Variants in TYW1 observed in about 807,000 individuals in gnomAD.
The protein encoded by TYW1 is S-adenosyl-L-methionine-dependent tRNA 4-demethylwyosine synthase TYW1.
A neutral mutation model predicts 96.2 loss-of-function variants in TYW1; 46 were observed. That is an observed-to-expected ratio of 0.48 (90% CI 0.38 to 0.61). The LOEUF (loss-of-function observed/expected upper bound fraction) is 0.61, where lower values mean the gene tolerates loss of function less well. Among genes scored for constraint, TYW1 ranks in the 20% least tolerant of loss-of-function variants. The probability of loss-of-function intolerance (pLI) is 0.00; values close to 1 mark genes in which losing one functional copy is unlikely to be tolerated. For missense variants in TYW1, 684 were observed against 909.6 expected, an observed-to-expected ratio of 0.75 and a Z score of 3.19; for synonymous variants, 274 against 323.0, an observed-to-expected ratio of 0.85 and a Z score of 1.63.
At chr7:67,130,666 A>T (rs79917324) in intron 13 of TYW1, among the ~76,000 whole-genome samples, 1 of 136,672 alleles carries the variant, frequency 7.3e-6, no homozygotes, top group African/African-American at 2.5e-5. Context: ...TCTTAACTCA[A>T]AAAAAAAAAA....
At chr7:67,228,223 G>T (rs1801626290) in intron 15 of TYW1, among the ~76,000 whole-genome samples, 1 of 152,162 alleles carries the variant, frequency 6.6e-6, no homozygotes, top group Non-Finnish European at 1.5e-5. Context: ...GAAAAAAGAG[G>T]TTTAATGGAC....
chr7:67,096,779 T>C (rs934068359), intron 11 of TYW1, among the ~76,000 whole-genome samples: 3 of 152,182 alleles, frequency 2.0e-5, no homozygotes, highest in Non-Finnish European at 2.9e-5. Flanking sequence ...TTCCCCTCTA[T>C]GTGTTCATGT....
chr7:67,000,249 ATATCTAGATGC>A (rs1793337504), intron 3 of TYW1, among the ~76,000 whole-genome samples: 1 of 151,878 alleles, frequency 6.6e-6, no homozygotes, highest in Non-Finnish European at 1.5e-5. Flanking sequence ...TTCTCTAATT[ATATCTAGATGC>A]TACCTGTTTC....
chr7:67,012,973 A>C (rs1017520135), intron 4 of TYW1, among the ~76,000 whole-genome samples: 5 of 152,024 alleles, frequency 3.3e-5, no homozygotes, highest in Non-Finnish European at 7.4e-5. Flanking sequence ...ACGGATACCT[A>C]GCCTGTATTT....
At chr7:67,142,318 G>T (rs1386942716) in intron 13 of TYW1, among the ~76,000 whole-genome samples, 1 of 152,114 alleles carries the variant, frequency 6.6e-6, no homozygotes, top group Admixed American at 6.6e-5. Context: ...TGCATAGGCT[G>T]GTCTTCAGCT....
intron 15 of TYW1, among the ~76,000 whole-genome samples, chr7:67,219,767 C>T (rs1801319689): frequency 6.7e-6 from 1 of 148,872 alleles, no homozygotes. Context: ...TCTTATTTCT[C>T]TCCTTTTAAA....
At chr7:67,181,192 A>G (rs11760347) in intron 13 of TYW1, among the ~76,000 whole-genome samples, 42,593 of 151,896 alleles carry the variant, frequency 0.28, 6,437 homozygotes, top group African/African-American at 0.4. Context: ...GTATTACTGT[A>G]TAGCCTAATA....
intron 12 of TYW1, among the ~76,000 whole-genome samples, chr7:67,105,685 C>T (rs1033472125): frequency 2.6e-5 from 4 of 152,080 alleles, no homozygotes; most frequent in African/African-American, 7.2e-5. Context: ...AGGTATTGCA[C>T]GGTTGATTTT....
intron 15 of TYW1, among the ~76,000 whole-genome samples, chr7:67,208,842 C>T (rs2116386131): frequency 6.6e-6 from 1 of 152,200 alleles, no homozygotes; most frequent in East Asian, 1.9e-4. Context: ...TGATCTGTAT[C>T]ACCCTATTCA....
intron 13 of TYW1, among the ~76,000 whole-genome samples, chr7:67,155,074 A>T (rs1244839142): frequency 1.3e-5 from 2 of 152,172 alleles, no homozygotes; most frequent in Non-Finnish European, 2.9e-5. Context: ...TCTGTGTTAT[A>T]ATCCACTGAG....
chr7:67,105,623 C>T lies in TYW1; in HGVS notation c.1562+6905C>T, dbSNP rs13223960. On this transcript the variant is annotated intron_variant, in intron 12 of 15. Coordinates refer to ENST00000359626, the MANE Select transcript of TYW1 (RefSeq NM_018264.4). ...GGTTTTCAGTTTCCCACACTCCTCC[C>T]GTCTTGCTGTTTCTTCAGCCCTGAG... 1.3e-3 allele frequency among the ~76,000 whole-genome samples: 200 copies of T among 152,302 alleles called. 2 individuals are homozygous for T. The highest frequency in any genetic ancestry group is 1.9e-3 in the South Asian group (9 of 4,828).
chr7:67,225,790 G>A (rs113661728), intron 15 of TYW1, among the ~76,000 whole-genome samples: 14,321 of 112,582 alleles, frequency 0.13, 1,306 homozygotes, highest in Middle Eastern at 0.22. Flanking sequence ...AACTTTTAGA[G>A]TTGCACTTGG....
chr7:67,047,686 C>G (rs562733078), intron 7 of TYW1, among the ~76,000 whole-genome samples: 123 of 143,922 alleles, frequency 8.5e-4, no homozygotes, highest in Middle Eastern at 3.7e-3. Flanking sequence ...CTCTAAAGTA[C>G]TTTTTTCACT....
intron 7 of TYW1, among the ~76,000 whole-genome samples, chr7:67,031,227 C>A (rs1794665116): frequency 6.9e-6 from 1 of 144,570 alleles, no homozygotes. Context: ...CTGTGTGCGG[C>A]TCAAACAGGA....
intron 15 of TYW1, among the ~76,000 whole-genome samples, chr7:67,208,344 A>G (rs1042500667): frequency 1.3e-5 from 2 of 152,068 alleles, no homozygotes; most frequent in African/African-American, 2.4e-5. Flanking sequence ...AACAAAACAT[A>G]CCATCTGATT....
chr7:67,228,016 A>C (rs537293193), intron 15 of TYW1, among the ~76,000 whole-genome samples: 78 of 152,124 alleles, frequency 5.1e-4, no homozygotes, highest in Non-Finnish European at 1.0e-3. Flanking sequence ...GCACTGGTGA[A>C]TGTGTTTTCT....
intron 13 of TYW1, among the ~76,000 whole-genome samples, chr7:67,157,201 C>T (rs906922062): frequency 3.3e-5 from 5 of 152,058 alleles, no homozygotes; most frequent in African/African-American, 1.2e-4. Flanking sequence ...CCATGCACAC[C>T]CCCTTTCCCA....
chr7:67,037,853 A>G (rs1354446685), intron 7 of TYW1, among the ~76,000 whole-genome samples: 1 of 152,218 alleles, frequency 6.6e-6, no homozygotes, highest in Non-Finnish European at 1.5e-5. Context: ...CTCTAACATT[A>G]TAGTTATTTT....
In TYW1 at chr7:67,151,120, G is replaced by C. The variant is rs1486502650; in HGVS notation, c.1699-32006G>C. On this transcript the variant is annotated intron_variant, in intron 13 of 15. Transcript: ENST00000359626. Reference sequence around the variant, plus strand: ...GACTGGAGTGTAGTGGCGAGATCTTGGCTCACTGCAACCTCCGCCTCCCGG... The same window carrying C: ...GACTGGAGTGTAGTGGCGAGATCTTCGCTCACTGCAACCTCCGCCTCCCGG... 2.7e-5 allele frequency among the ~76,000 whole-genome samples: 4 copies of C among 150,044 alleles called. No homozygotes were observed. In the East Asian group the frequency reaches 7.9e-4, roughly 30 times the overall value.
Sources: allele counts gnomAD v4.1 joint callset (sites outside exome capture counted in the v4.1 genomes callset), GRCh38; gene constraint gnomAD v4.1.1; transcripts MANE v1.5; gene names NCBI Gene and HGNC (gene_info 2026-07-23, HGNC 2026-07-21).